INPP4B: variants seen among roughly 807,000 people sequenced by gnomAD.
INPP4B encodes the protein inositol polyphosphate 4-phosphatase type II.
In INPP4B, 55 loss-of-function variants were observed where a neutral mutation model predicts 122.5. That is an observed-to-expected ratio of 0.45 (90% CI 0.36 to 0.56). The LOEUF is 0.56. INPP4B is among the 20% of genes least tolerant of loss of function. The pLI is 0.00. For missense variants in INPP4B, 1,000 were observed against 1,097.7 expected (o/e 0.91, Z 1.26); for synonymous variants, 403 against 388.7 (o/e 1.04, Z -0.43).
chr4:142,353,920 T>G (rs1047724281), intron 7 of INPP4B, among the ~76,000 whole-genome samples: 2 of 151,982 alleles, frequency 1.3e-5, no homozygotes, highest in African/African-American at 4.8e-5. Context: ...CAAAATTCTA[T>G]GAGTTTTTAT....
chr4:142,403,074 C>T lies in INPP4B; in HGVS notation c.256-20G>A. ...TGTTCCCTGTAACAGCACAAGCAGACAACTTTGATTCAATAAGGCAGCAAC... is the reference window on the plus strand; with the variant it reads ...TGTTCCCTGTAACAGCACAAGCAGATAACTTTGATTCAATAAGGCAGCAAC... On this transcript the variant is annotated intron_variant, in intron 6 of 25. Coordinates refer to ENST00000262992, the MANE Select transcript of INPP4B (RefSeq NM_001101669.3). 7.3e-7 allele frequency: 1 copy of T among 1,369,104 alleles called. No homozygotes were observed. Among genetic ancestry groups the T allele is most frequent in the Non-Finnish European group, 1.0e-6 (1 of 957,446 alleles). The allele number at this position is 1,369,104 out of a possible 1,614,324, so 84.8% of individuals were successfully genotyped here. A position where few individuals can be genotyped will look rare whatever the true frequency, so the allele number is the denominator to read the frequency against.
intron 22 of INPP4B, among the ~76,000 whole-genome samples, chr4:142,112,199 C>T (rs1037331452): frequency 6.6e-6 from 1 of 152,100 alleles, no homozygotes; most frequent in Admixed American, 6.6e-5. Context: ...AAACTTGATG[C>T]TATTATCTGT....
At chr4:142,081,484 G>C (rs969799003) in intron 25 of INPP4B, among the ~76,000 whole-genome samples, 2 of 152,096 alleles carry the variant, frequency 1.3e-5, no homozygotes, top group African/African-American at 2.4e-5. Context: ...CTATTTTAAA[G>C]TATCAGTGTC....
intron 23 of INPP4B, among the ~76,000 whole-genome samples, chr4:142,092,712 TAA>T (rs985173081): frequency 2.6e-5 from 4 of 152,326 alleles, no homozygotes; most frequent in Admixed American, 2.6e-4. Flanking sequence ...TAGTTTGAAT[TAA>T]GAGTTTTTGT....
At chr4:142,282,863 G>C (rs983890150) in intron 9 of INPP4B, among the ~76,000 whole-genome samples, 1 of 152,082 alleles carries the variant, frequency 6.6e-6, no homozygotes, top group Non-Finnish European at 1.5e-5. Context: ...ACCAGGGGCT[G>C]AGAATCTTGG....
At chr4:142,647,320 T>C (rs530211866) in intron 2 of INPP4B, among the ~76,000 whole-genome samples, 1 of 152,296 alleles carries the variant, frequency 6.6e-6, no homozygotes, top group Admixed American at 6.5e-5. Context: ...TGTATTACTT[T>C]AAAAATAATA....
At chr4:142,772,092 A>C (rs756987455) in intron 1 of INPP4B, among the ~76,000 whole-genome samples, 1 of 152,198 alleles carries the variant, frequency 6.6e-6, no homozygotes, top group East Asian at 1.9e-4. Flanking sequence ...AGATACTTGG[A>C]TATGTGAGTA....
intron 25 of INPP4B, among the ~76,000 whole-genome samples, chr4:142,045,368 T>C (rs1578712215): frequency 1.3e-5 from 2 of 152,254 alleles, no homozygotes; most frequent in East Asian, 3.9e-4. Flanking sequence ...TTCTAATAAC[T>C]AAAATTTTTA....
At chr4:142,054,176 TA>T (rs1206907406) in intron 25 of INPP4B, among the ~76,000 whole-genome samples, 1 of 151,996 alleles carries the variant, frequency 6.6e-6, no homozygotes, top group Non-Finnish European at 1.5e-5. Context: ...CAACCTCTGT[TA>T]AGTATAAAGT....
intron 23 of INPP4B, among the ~76,000 whole-genome samples, chr4:142,094,568 A>G (rs1335410728): frequency 2.0e-5 from 3 of 152,218 alleles, no homozygotes; most frequent in Non-Finnish European, 4.4e-5. Context: ...CCAGACTGCT[A>G]GTGAAATACA....
intron 4 of INPP4B, among the ~76,000 whole-genome samples, chr4:142,430,787 G>A (rs1393299135): frequency 6.6e-6 from 1 of 151,926 alleles, no homozygotes; most frequent in East Asian, 1.9e-4. Context: ...TTTAAAGAGA[G>A]AATTTCTACA....
chr4:142,058,346 GACTC>G (rs1216216615), intron 25 of INPP4B, among the ~76,000 whole-genome samples: 4 of 152,080 alleles, frequency 2.6e-5, no homozygotes, highest in African/African-American at 7.2e-5. Flanking sequence ...TGGTGTCTTG[GACTC>G]ACTCAAATAA....
At chr4:142,546,415 C>T (rs1256687977) in intron 2 of INPP4B, among the ~76,000 whole-genome samples, 1 of 151,934 alleles carries the variant, frequency 6.6e-6, no homozygotes, top group African/African-American at 2.4e-5. Context: ...TGTGCCTTAT[C>T]TAGAAATTGT....
intron 14 of INPP4B, among the ~76,000 whole-genome samples, chr4:142,196,091 C>T (rs555168346): frequency 1.6e-4 from 25 of 152,168 alleles, no homozygotes; most frequent in African/African-American, 5.5e-4. Context: ...ATAGTCTCCT[C>T]CTCTCATAAA....
intron 1 of INPP4B, among the ~76,000 whole-genome samples, chr4:142,759,036 T>C (rs1032570923): frequency 7.9e-5 from 12 of 152,116 alleles, no homozygotes; most frequent in African/African-American, 2.9e-4. Context: ...AACTACTATG[T>C]GACTGTCTCT....
At chr4:142,331,864 G>A (rs1307649380) in intron 7 of INPP4B, among the ~76,000 whole-genome samples, 1 of 149,236 alleles carries the variant, frequency 6.7e-6, no homozygotes. Context: ...CATATTATGA[G>A]GCAATGTTTA....
chr4:142,391,676 T>C (rs1319899559), intron 7 of INPP4B, among the ~76,000 whole-genome samples: 1 of 152,160 alleles, frequency 6.6e-6, no homozygotes, highest in Non-Finnish European at 1.5e-5. Context: ...CTTAAAGCTA[T>C]TGTTATTAAA....
intron 2 of INPP4B, among the ~76,000 whole-genome samples, chr4:142,636,095 T>C (rs1749100015): frequency 6.6e-6 from 1 of 152,026 alleles, no homozygotes; most frequent in African/African-American, 2.4e-5. Context: ...TCGCACAAGA[T>C]CTGATGGTTT....
intron 22 of INPP4B, 41 bp from the exon 23 acceptor site, chr4:142,108,231 G>A (rs754288260): frequency 7.5e-6 from 8 of 1,061,664 alleles, no homozygotes; most frequent in Admixed American, 1.9e-5. Context: ...GTTATAAAAC[G>A]GTACCAAAAA....
Sources: gnomAD v4.1 joint callset for allele counts (sites outside exome capture counted in the v4.1 genomes callset) on GRCh38, gnomAD v4.1.1 for gene constraint, MANE v1.5 for transcripts, NCBI Gene and HGNC (gene_info 2026-07-23, HGNC 2026-07-21) for gene names.